Variants in TGFBR3 observed in about 807,000 individuals in gnomAD.
TGFBR3 encodes transforming growth factor beta receptor type 3.
TGFBR3 carries 46 observed loss-of-function variants against 87.9 expected under a neutral mutation model. The ratio of observed to expected loss-of-function variants is 0.52; its 90% CI spans 0.41 to 0.67. The LOEUF (loss-of-function observed/expected upper bound fraction) is 0.67. TGFBR3 is among the 30% of genes least tolerant of loss of function. The pLI is 0.00. For synonymous variants in TGFBR3, 381 were observed against 391.6 expected (o/e 0.97, Z 0.32); for missense variants, 866 against 1,041.9 (o/e 0.83, Z 2.32).
upstream of TGFBR3, among the ~76,000 whole-genome samples, chr1:91,890,387 C>G (rs1571608669): frequency 8.7e-6 from 1 of 115,548 alleles, no homozygotes; most frequent in African/African-American, 3.2e-5. Flanking sequence ...TTAGAAAAAT[C>G]ATTTGGTTGT....
chr1:91,756,878 GA>G (rs1208205480), intron 4 of TGFBR3, among the ~76,000 whole-genome samples: 8 of 151,948 alleles, frequency 5.3e-5, no homozygotes, highest in Admixed American at 2.0e-4. Flanking sequence ...TTTTTTTCCT[GA>G]ATGATCTGAC....
intron 12 of TGFBR3, 102 bp downstream of exon 12, chr1:91,716,134 A>T: frequency 1.4e-6 from 2 of 1,411,354 alleles, no homozygotes; most frequent in Non-Finnish European, 2.0e-6. Flanking sequence ...AAGGTCTGTG[A>T]GGTAGGACAG....
At chr1:91,815,202 T>G (rs1175915600) in intron 2 of TGFBR3, among the ~76,000 whole-genome samples, 1 of 151,814 alleles carries the variant, frequency 6.6e-6, no homozygotes, top group Non-Finnish European at 1.5e-5. Flanking sequence ...CTTGGGAGGC[T>G]GAGGTAGGAG....
chr1:91,853,761 C>G (rs1677831771), intron 2 of TGFBR3, among the ~76,000 whole-genome samples: 1 of 152,148 alleles, frequency 6.6e-6, no homozygotes, highest in Admixed American at 6.5e-5. Flanking sequence ...GGCCTGTAAT[C>G]CCAGAACTTT....
chr1:91,778,857 G>T (rs1674666458), intron 3 of TGFBR3, among the ~76,000 whole-genome samples: 1 of 152,208 alleles, frequency 6.6e-6, no homozygotes, highest in Admixed American at 6.5e-5. Context: ...AACAGTAAAA[G>T]AGAGTGTGTC....
chr1:91,704,645 TTAGATCA>T (rs1278088042), intron 14 of TGFBR3, among the ~76,000 whole-genome samples: 1 of 152,208 alleles, frequency 6.6e-6, no homozygotes, highest in Non-Finnish European at 1.5e-5. Context: ...TCAACAAATG[TTAGATCA>T]TCATCCTCAT....
Position 91,695,074 on chromosome 1 carries a change from G to A in TGFBR3, c.2437+598C>T, listed in dbSNP as rs570183232. 2.0e-5 allele frequency among the ~76,000 whole-genome samples: 3 copies of A among 150,836 alleles called. No individual in the cohort carries two copies. In the East Asian group the frequency reaches 5.8e-4, roughly 29 times the overall value. On this transcript the variant is annotated intron_variant, in intron 16 of 16. Transcript: ENST00000212355. Reference sequence around the variant, plus strand: ...CACATCTGAATTTTGAAGATTGAGGGATAATAGCTTGAAAATGAAGTGCTC... The same window carrying A: ...CACATCTGAATTTTGAAGATTGAGGAATAATAGCTTGAAAATGAAGTGCTC...
chr1:91,682,053 A>T lies in TGFBR3; in HGVS notation c.*1686T>A. The T allele has an allele frequency of 2.2e-6, 1 of 454,020 alleles. No individual in the cohort carries two copies. The highest frequency in any genetic ancestry group is 4.4e-6 in the Non-Finnish European group (1 of 226,752). 28.1% of individuals were successfully genotyped at this position (454,020 alleles called of 1,614,324 possible). A position where few individuals can be genotyped will look rare whatever the true frequency, so the allele number is the denominator to read the frequency against. The stretch of plus-strand genomic sequence containing the variant: ...TTAAAATGTTCCTTATTGAAAAAAA[A>T]AAATGTTCCTTATTGAATGTGTATA... On this transcript the variant is annotated 3_prime_UTR_variant, in exon 17 of 17. Coordinates refer to ENST00000212355, the MANE Select transcript of TGFBR3 (RefSeq NM_003243.5).
chr1:91,780,260 G>A (rs916381426), intron 3 of TGFBR3, among the ~76,000 whole-genome samples: 73 of 152,236 alleles, frequency 4.8e-4, no homozygotes, highest in African/African-American at 1.7e-3. Context: ...ACAATAAAAC[G>A]TACAGGTGTG....
At chr1:91,861,828 A>T in intron 1 of TGFBR3, 184 bp from the exon 2 acceptor site, 1 of 375,302 alleles carries the variant, frequency 2.7e-6, no homozygotes, top group Non-Finnish European at 4.9e-6. Context: ...TATAGCAAAT[A>T]CTTTTGCAAA....
At chr1:91,711,643 T>C (rs573804364) in intron 13 of TGFBR3, among the ~76,000 whole-genome samples, 25 of 152,326 alleles carry the variant, frequency 1.6e-4, no homozygotes, top group African/African-American at 6.0e-4. Context: ...GTGGGTATCA[T>C]AGTTAACCTT....
chr1:91,707,949 C>T (rs1046513710), intron 14 of TGFBR3, among the ~76,000 whole-genome samples: 2 of 152,204 alleles, frequency 1.3e-5, no homozygotes. Flanking sequence ...TTGTTAGGGC[C>T]CAGTTCTGCC....
At chr1:91,861,327 G>A (rs1399464325) in intron 2 of TGFBR3, 144 bp downstream of exon 2, 2 of 690,654 alleles carry the variant, frequency 2.9e-6, no homozygotes, top group African/African-American at 3.6e-5. Context: ...TTAAGCCCAG[G>A]AGGTAGAGCC....
chr1:91,799,473 T>C (rs887797304), intron 2 of TGFBR3, among the ~76,000 whole-genome samples: 4 of 152,186 alleles, frequency 2.6e-5, no homozygotes, highest in Admixed American at 6.5e-5. Flanking sequence ...CCTCCGGCTT[T>C]CCCAGCCGCA....
intron 3 of TGFBR3, among the ~76,000 whole-genome samples, chr1:91,779,028 G>A (rs1297501412): frequency 6.6e-6 from 1 of 152,160 alleles, no homozygotes; most frequent in Non-Finnish European, 1.5e-5. Flanking sequence ...GAGGCAAGAT[G>A]TCAGGGCCCA....
At chr1:91,845,344 C>T (rs1305067535) in intron 2 of TGFBR3, among the ~76,000 whole-genome samples, 1 of 152,174 alleles carries the variant, frequency 6.6e-6, no homozygotes, top group Non-Finnish European at 1.5e-5. Flanking sequence ...GGAGGCAGGG[C>T]CAGGCTCAGG....
intron 1 of TGFBR3, among the ~76,000 whole-genome samples, chr1:91,872,356 A>G (rs1346223579): frequency 6.6e-6 from 1 of 152,194 alleles, no homozygotes. Context: ...ACTTCCCACT[A>G]GCATCATCAG....
chr1:91,759,920 G>A (rs1242783498), intron 3 of TGFBR3, among the ~76,000 whole-genome samples: 2 of 152,172 alleles, frequency 1.3e-5, no homozygotes, highest in African/African-American at 4.8e-5. Flanking sequence ...TTTTCCCAAT[G>A]GCTGCCAGCC....
chr1:91,843,678 T>C (rs541380789), intron 2 of TGFBR3, among the ~76,000 whole-genome samples: 1 of 152,260 alleles, frequency 6.6e-6, no homozygotes, highest in South Asian at 2.1e-4. Context: ...ATACTTCAAT[T>C]TTACAAATGA....
Sources: gnomAD v4.1 joint callset for allele counts (sites outside exome capture counted in the v4.1 genomes callset) on GRCh38, gnomAD v4.1.1 for gene constraint, MANE v1.5 for transcripts, NCBI Gene and HGNC (gene_info 2026-07-23, HGNC 2026-07-21) for gene names.